DHRS12: variants seen among roughly 807,000 people sequenced by gnomAD.
DHRS12 encodes the protein dehydrogenase/reductase SDR family member 12.
DHRS12 carries 29 observed loss-of-function variants against 32.1 expected under a neutral mutation model. The observed-to-expected ratio is 0.90, with a 90% CI of 0.67 to 1.23. DHRS12 has a LOEUF of 1.23. DHRS12 is among the 50% of genes most tolerant of loss of function. The pLI, the probability that DHRS12 is intolerant of heterozygous loss-of-function variation, is 0.00. For missense variants in DHRS12, 330 were observed against 337.2 expected, an observed-to-expected ratio of 0.98 and a Z score of 0.17; for synonymous variants, 150 against 135.9, an observed-to-expected ratio of 1.10 and a Z score of -0.72.
At position 51,777,065 on chromosome 13, in the gene DHRS12, G is replaced by A. The variant is rs745852267; in HGVS notation, c.358C>T (p.Arg120Ter). The part of the protein sequence containing the change: ...IPVLEKEHDP[R>*]VITVSSGGML... ...ATCCCATAAGGTCAACTCACCACTC[G>A]GGGGTCGTGTTCTTTCTCCAGCACA... is the stretch of plus-strand genomic sequence containing the variant. Residue 120 changes from arginine (R) to a stop codon, truncating the protein, a stop_gained, in exon 5 of 9, where the codon CGA (arginine) becomes TGA (stop). Coordinates refer to ENST00000444610, the MANE Select transcript of DHRS12 (RefSeq NM_001377533.1). LOFTEE classifies it high-confidence loss of function. The A allele has an allele frequency of 5.5e-5, 89 of 1,613,974 alleles. No individual in the cohort carries two copies. Among genetic ancestry groups the A allele is most frequent in the South Asian group, 3.4e-4 (31 of 91,084 alleles).
At chr13:51,756,312 A>T in the DHRS12 span, 16 of 1,608,536 alleles carry the variant, frequency 9.9e-6, no homozygotes, top group Non-Finnish European at 1.4e-5. Flanking sequence ...ATGAGTATCT[A>T]TTTTATCTCC....
chr13:51,772,723 A>T, intron 6 of DHRS12: 2 of 985,440 alleles, frequency 2.0e-6, no homozygotes, highest in Non-Finnish European at 2.4e-6. Context: ...GCCCCATCCC[A>T]GGGTAGTTTG....
intron 4 of DHRS12, among the ~76,000 whole-genome samples, chr13:51,789,314 T>C (rs1955151316): frequency 6.6e-6 from 1 of 152,198 alleles, no homozygotes; most frequent in African/African-American, 2.4e-5. Context: ...AAAGGCCCCT[T>C]GGATTGAGAA....
At chr13:51,758,840 A>C in the DHRS12 span, among the ~76,000 whole-genome samples, 6 of 152,312 alleles carry the variant, frequency 3.9e-5, no homozygotes, top group African/African-American at 1.4e-4. Flanking sequence ...TAGCTAAAAT[A>C]ACCCACTTTG....
Position 51,771,530 on chromosome 13 carries a change from C to G in DHRS12, c.559+291G>C, listed in dbSNP as rs775272903. On this transcript the variant is annotated intron_variant, in intron 7 of 8. Coordinates refer to ENST00000444610, the MANE Select transcript of DHRS12 (RefSeq NM_001377533.1). ...AAATGACAATGGTCACCGGCTCCCT[C>G]TCTCACCAGGATATGCTGTAGTTAG... The G allele has an allele frequency of 1.3e-5, 21 of 1,612,308 alleles. No individual in the cohort carries two copies. In the Admixed American group the frequency reaches 1.7e-4, roughly 13 times the overall value.
downstream of DHRS12, chr13:51,764,731 T>C (rs1394970238): frequency 1.3e-5 from 2 of 152,238 alleles, no homozygotes; most frequent in African/African-American, 2.4e-5. Flanking sequence ...TAACTGAAGG[T>C]GACTCAGGGT....
chr13:51,768,628 AAC>A lies in DHRS12; in HGVS notation c.698-334_698-333del, dbSNP rs1045370881. 2.6e-6 allele frequency: 3 copies of A among 1,157,700 alleles called. No homozygotes were observed. In the African/African-American group the frequency reaches 4.8e-5, roughly 18 times the overall value. The allele number at this position is 1,157,700 out of a possible 1,614,324, so 71.7% of individuals were successfully genotyped here. The stretch of plus-strand genomic sequence containing the variant: ...TCAAGCAAGGGTGGTTCTCATCAAG[AAC>A]AGAGGAAAGAGAAGCCAAGCAAAGA... On this transcript the variant is annotated intron_variant, in intron 8 of 8. Transcript: ENST00000444610.
At chr13:51,756,639 G>A in the DHRS12 span, 1 of 985,244 alleles carries the variant, frequency 1.0e-6, no homozygotes, top group Non-Finnish European at 1.2e-6. Flanking sequence ...TATCCTGTGA[G>A]ATGAGAGAAG....
intron 4 of DHRS12, among the ~76,000 whole-genome samples, chr13:51,787,922 AATATATACTTAT>A (rs61496513): frequency 0.55 from 46,019 of 82,946 alleles, 13,659 homozygotes; most frequent in Non-Finnish European, 0.63. Context: ...AATTATATAT[AATATATACTTAT>A]ATATATAATT....
At chr13:51,800,942 A>G (rs79269771) in intron 1 of DHRS12, among the ~76,000 whole-genome samples, 1 of 152,220 alleles carries the variant, frequency 6.6e-6, no homozygotes, top group Non-Finnish European at 1.5e-5. Context: ...AAGCCTTCCC[A>G]AAAAGGTTGA....
chr13:51,758,003 A>G, the DHRS12 span, among the ~76,000 whole-genome samples: 1 of 150,346 alleles, frequency 6.7e-6, no homozygotes, highest in African/African-American at 2.4e-5. Context: ...TTTAAAGACT[A>G]TAAGATTTCT....
At chr13:51,772,909 C>G in intron 6 of DHRS12, 2 of 985,450 alleles carry the variant, frequency 2.0e-6, no homozygotes, top group Non-Finnish European at 2.4e-6. Flanking sequence ...CTGGGGCACA[C>G]CCAGGGCATA....
chr13:51,770,541 C>T (rs897282522), intron 7 of DHRS12, among the ~76,000 whole-genome samples: 2 of 152,172 alleles, frequency 1.3e-5, no homozygotes, highest in African/African-American at 2.4e-5. Flanking sequence ...CCCATTAGGC[C>T]GTGAGAAGAA....
chr13:51,761,601 T>G, the DHRS12 span: 1 of 152,168 alleles, frequency 6.6e-6, no homozygotes. Context: ...AAATCCTCCC[T>G]ATTATTTTCC....
chr13:51,792,535 G>A lies in DHRS12; in HGVS notation c.127-1278C>T, dbSNP rs967108577. Among the ~76,000 whole-genome samples the A allele has an allele frequency of 2.1e-4, 32 of 152,136 alleles. 1 individual carries two copies. The highest frequency in any genetic ancestry group is 2.1e-3 in the Admixed American group (32 of 15,288). ...CTGCCTCAGCCTCCCAAGTAGCTGG[G>A]ACTAGAGGTGCATGCCACCATGCTC... On this transcript the variant is annotated intron_variant, in intron 2 of 8. Coordinates refer to ENST00000444610, the MANE Select transcript of DHRS12 (RefSeq NM_001377533.1).
intron 4 of DHRS12, among the ~76,000 whole-genome samples, chr13:51,786,299 G>C (rs746033840): frequency 6.6e-6 from 1 of 152,210 alleles, no homozygotes; most frequent in Non-Finnish European, 1.5e-5. Context: ...GCTAAGATGC[G>C]GGTGAGAGTT....
downstream of DHRS12, chr13:51,763,129 G>T (rs1471043891): frequency 6.6e-6 from 1 of 152,182 alleles, no homozygotes; most frequent in Non-Finnish European, 1.5e-5. Context: ...AGTTAGATAT[G>T]GCTGAGATGT....
At chr13:51,788,221 C>T (rs769603383) in intron 4 of DHRS12, among the ~76,000 whole-genome samples, 1 of 151,968 alleles carries the variant, frequency 6.6e-6, no homozygotes. Context: ...AACAGTGCCT[C>T]GGGGCCAGCT....
At chr13:51,789,695 GT>G in intron 4 of DHRS12, 1 of 985,432 alleles carries the variant, frequency 1.0e-6, no homozygotes, top group Non-Finnish European at 1.2e-6. Flanking sequence ...TTTGGTTGCA[GT>G]TTTTAGACTT....
Sources: allele counts gnomAD v4.1 joint callset (sites outside exome capture counted in the v4.1 genomes callset), GRCh38; gene constraint gnomAD v4.1.1; transcripts MANE v1.5; gene names NCBI Gene and HGNC (gene_info 2026-07-23, HGNC 2026-07-21).